CREB5: variants seen among roughly 807,000 people sequenced by gnomAD.
CREB5 encodes the protein cAMP responsive element binding protein 5.
CREB5 carries 19 observed loss-of-function variants against 57.1 expected under a neutral mutation model. That is an observed-to-expected ratio of 0.33 (90% CI 0.23 to 0.49). The LOEUF (loss-of-function observed/expected upper bound fraction) is 0.49. Ranked by LOEUF, CREB5 falls within the 20% of genes least tolerant of loss-of-function variation. The pLI is 0.99. For synonymous variants in CREB5, 238 were observed against 238.3 expected, an observed-to-expected ratio of 1.00 and a Z score of 0.01; for missense variants, 579 against 671.6, an observed-to-expected ratio of 0.86 and a Z score of 1.52.
chr7:28,707,224 A>G (rs1362635461), intron 5 of CREB5, among the ~76,000 whole-genome samples: 1 of 152,196 alleles, frequency 6.6e-6, no homozygotes, highest in Non-Finnish European at 1.5e-5. Context: ...TTTGTGTTTT[A>G]AAATGACAGT....
At chr7:28,793,609 G>A (rs1807856049) in intron 7 of CREB5, among the ~76,000 whole-genome samples, 1 of 152,192 alleles carries the variant, frequency 6.6e-6, no homozygotes, top group Admixed American at 6.5e-5. Flanking sequence ...TGCCCTCTGG[G>A]AATGGAGCAA....
At chr7:28,329,290 AC>A (rs1785669500) in intron 1 of CREB5, among the ~76,000 whole-genome samples, 1 of 152,138 alleles carries the variant, frequency 6.6e-6, no homozygotes, top group South Asian at 2.1e-4. Context: ...CTTCATCACT[AC>A]AGAAGTGGTT....
chr7:28,325,077 G>A (rs1278355556), intron 1 of CREB5, among the ~76,000 whole-genome samples: 4 of 152,062 alleles, frequency 2.6e-5, no homozygotes, highest in Admixed American at 1.3e-4. Context: ...CTGAACAACC[G>A]CAATAACTTC....
intron 5 of CREB5, among the ~76,000 whole-genome samples, chr7:28,641,441 T>C (rs1448248075): frequency 1.3e-5 from 2 of 152,068 alleles, no homozygotes; most frequent in Non-Finnish European, 2.9e-5. Context: ...CCCAAGGAAT[T>C]TAGTGACTTG....
intron 7 of CREB5, among the ~76,000 whole-genome samples, chr7:28,779,834 G>T (rs187442960): frequency 1.2e-4 from 19 of 152,278 alleles, no homozygotes; most frequent in African/African-American, 4.1e-4. Flanking sequence ...GCCAGATACT[G>T]TCAGGCTCTT....
intron 1 of CREB5, among the ~76,000 whole-genome samples, chr7:28,368,970 T>C (rs954913193): frequency 6.6e-6 from 1 of 152,174 alleles, no homozygotes; most frequent in Admixed American, 6.5e-5. Context: ...CGCTTGACCC[T>C]GGGAGGTCAA....
At chr7:28,406,852 T>G (rs1347678942) in intron 1 of CREB5, among the ~76,000 whole-genome samples, 6 of 152,050 alleles carry the variant, frequency 3.9e-5, no homozygotes, top group Non-Finnish European at 8.8e-5. Context: ...AGATGACACA[T>G]GCAGAAGGCA....
At chr7:28,668,940 CT>C (rs1352497200) in intron 5 of CREB5, among the ~76,000 whole-genome samples, 1 of 152,186 alleles carries the variant, frequency 6.6e-6, no homozygotes, top group Non-Finnish European at 1.5e-5. Context: ...TGTCCTTTCA[CT>C]CTGCCCTGCT....
intron 1 of CREB5, among the ~76,000 whole-genome samples, chr7:28,307,225 T>G (rs982682145): frequency 7.2e-5 from 11 of 152,202 alleles, no homozygotes; most frequent in Non-Finnish European, 5.9e-5. Context: ...CCCTCCAAAA[T>G]TCAAGCTGAA....
intron 5 of CREB5, among the ~76,000 whole-genome samples, chr7:28,715,116 T>A (rs1802605195): frequency 6.6e-6 from 1 of 152,234 alleles, no homozygotes; most frequent in African/African-American, 2.4e-5. Context: ...GTTAGCAGTA[T>A]TACAGGATTT....
At chr7:28,571,711 C>T (rs1160086677) in intron 5 of CREB5, among the ~76,000 whole-genome samples, 4 of 152,186 alleles carry the variant, frequency 2.6e-5, no homozygotes, top group African/African-American at 9.7e-5. Context: ...ATCTCTGGCC[C>T]AGCTTCCTTA....
chr7:28,482,809 T>C (rs1403825996), intron 1 of CREB5, among the ~76,000 whole-genome samples: 1 of 152,226 alleles, frequency 6.6e-6, no homozygotes, highest in African/African-American at 2.4e-5. Flanking sequence ...ATACTCATGA[T>C]TTCAGTTTGT....
At chr7:28,331,504 C>T (rs904321172) in intron 1 of CREB5, among the ~76,000 whole-genome samples, 2 of 152,118 alleles carry the variant, frequency 1.3e-5, no homozygotes, top group South Asian at 2.1e-4. Context: ...CTACTACAGA[C>T]GTGTGCAAAT....
chr7:28,464,839 C>A (rs1242121842), intron 1 of CREB5, among the ~76,000 whole-genome samples: 3 of 151,876 alleles, frequency 2.0e-5, no homozygotes, highest in Non-Finnish European at 4.4e-5. Flanking sequence ...AAGTGTTTAC[C>A]GTATACTGGA....
chr7:28,593,756 G>A (rs552448650), intron 5 of CREB5, among the ~76,000 whole-genome samples: 1 of 152,298 alleles, frequency 6.6e-6, no homozygotes, highest in South Asian at 2.1e-4. Context: ...TGTGCCATAG[G>A]TGATAACTAA....
At chr7:28,511,571 A>G (rs1792701620) in intron 4 of CREB5, among the ~76,000 whole-genome samples, 1 of 152,090 alleles carries the variant, frequency 6.6e-6, no homozygotes, top group African/African-American at 2.4e-5. Flanking sequence ...TGCAGCCTCG[A>G]CCTCTTGGGC....
chr7:28,611,714 A>AAAT, intron 5 of CREB5, among the ~76,000 whole-genome samples: 1 of 143,708 alleles, frequency 7.0e-6, no homozygotes, highest in African/African-American at 2.6e-5. Context: ...ATAAATAAAT[A>AAAT]AAATATATAT....
intron 4 of CREB5, among the ~76,000 whole-genome samples, chr7:28,524,962 C>T (rs1041516328): frequency 2.0e-5 from 3 of 151,990 alleles, no homozygotes; most frequent in East Asian, 1.9e-4. Context: ...ATTACCAACC[C>T]CTCTTCATTC....
At chr7:28,584,685 C>T (rs1796246176) in intron 5 of CREB5, among the ~76,000 whole-genome samples, 1 of 151,942 alleles carries the variant, frequency 6.6e-6, no homozygotes. Flanking sequence ...TTAAACCACC[C>T]AGTTTGTGGT....
Sources: allele counts gnomAD v4.1 joint callset (sites outside exome capture counted in the v4.1 genomes callset), GRCh38; gene constraint gnomAD v4.1.1; transcripts MANE v1.5; gene names NCBI Gene and HGNC (gene_info 2026-07-23, HGNC 2026-07-21).